Variants in GRIK4 observed in about 807,000 individuals in gnomAD.
The protein encoded by GRIK4 is glutamate receptor ionotropic, kainate 4.
Under a neutral mutation model 104.9 loss-of-function variants are expected in GRIK4, and 40 were observed. The observed-to-expected ratio is 0.38, with a 90% CI of 0.30 to 0.50. The LOEUF (loss-of-function observed/expected upper bound fraction) is 0.50. GRIK4 is among the 20% of genes least tolerant of loss of function. The pLI, the probability that GRIK4 is intolerant of heterozygous loss-of-function variation, is 0.93. For synonymous variants in GRIK4, 485 were observed against 524.9 expected (o/e 0.92, Z 1.04); for missense variants, 1,047 against 1,308.1 (o/e 0.80, Z 3.08).
At chr11:120,609,916 C>T (rs776212382) in intron 1 of GRIK4, among the ~76,000 whole-genome samples, 6 of 152,280 alleles carry the variant, frequency 3.9e-5, no homozygotes, top group Middle Eastern at 3.4e-3. Flanking sequence ...CGGCTCTCTC[C>T]ACTAACCTGC....
rs146172990 is a variant in GRIK4, at chr11:120,717,674, A to G, written c.82+57274A>G. 4.9e-3 allele frequency among the ~76,000 whole-genome samples: 739 copies of G among 152,288 alleles called. 4 individuals are homozygous for G. The highest frequency in any genetic ancestry group is 0.012 in the African/African-American group (508 of 41,566). On this transcript the variant is annotated intron_variant, in intron 3 of 20. Transcript: ENST00000527524. ...AAATAAGAATCCTCCTGCTTCCTGCATCACCAAGGTGAGGAGAGGAGACTA... is the reference window on the plus strand; with the variant it reads ...AAATAAGAATCCTCCTGCTTCCTGCGTCACCAAGGTGAGGAGAGGAGACTA...
rs151321085 is a variant in GRIK4 at position 120,641,611 on chromosome 11, A to T, written c.-158-12074A>T. ...GCATTTGTAAACTGTCATGGCGCTG[A>T]TGGGAGTGTCTTTTAACATGCTAAT... On this transcript the variant is annotated intron_variant, in intron 1 of 20. Transcript: ENST00000527524. Among the ~76,000 whole-genome samples the T allele has an allele frequency of 7.9e-3, 1,200 of 152,256 alleles. 20 individuals are homozygous for T. The highest frequency in any genetic ancestry group is 0.028 in the African/African-American group (1,149 of 41,550).
At chr11:120,801,281 A>G (rs1212810695) in intron 3 of GRIK4, among the ~76,000 whole-genome samples, 1 of 152,188 alleles carries the variant, frequency 6.6e-6, no homozygotes, top group Non-Finnish European at 1.5e-5. Flanking sequence ...GCTGGAGTGC[A>G]ATGACACTGT....
chr11:120,575,363 C>T (rs892358148), intron 1 of GRIK4, among the ~76,000 whole-genome samples: 6 of 152,158 alleles, frequency 3.9e-5, no homozygotes, highest in Non-Finnish European at 8.8e-5. Flanking sequence ...AATTTTCACA[C>T]CTTATTCAGT....
intron 6 of GRIK4, among the ~76,000 whole-genome samples, chr11:120,828,659 C>T (rs1236902282): frequency 6.6e-6 from 1 of 152,118 alleles, no homozygotes; most frequent in Non-Finnish European, 1.5e-5. Context: ...CAGGTGTGTC[C>T]AGGTTGGGAA....
At chr11:120,617,401 G>T (rs924558318) in intron 1 of GRIK4, among the ~76,000 whole-genome samples, 1 of 151,410 alleles carries the variant, frequency 6.6e-6, no homozygotes, top group Non-Finnish European at 1.5e-5. Context: ...ATTTATTGAG[G>T]CAGGATCTAA....
At chr11:120,933,229 G>A (rs1029194310) in intron 13 of GRIK4, among the ~76,000 whole-genome samples, 5 of 152,316 alleles carry the variant, frequency 3.3e-5, no homozygotes, top group African/African-American at 7.2e-5. Flanking sequence ...TGGGGGACGC[G>A]GTGACCAGTT....
At chr11:120,854,997 A>AT (rs924777553) in intron 8 of GRIK4, among the ~76,000 whole-genome samples, 2 of 152,204 alleles carry the variant, frequency 1.3e-5, no homozygotes, top group African/African-American at 4.8e-5. Context: ...TCTCCTAACC[A>AT]TTTAATTAAG....
At chr11:120,820,577 G>A (rs904848456) in intron 6 of GRIK4, among the ~76,000 whole-genome samples, 9 of 152,294 alleles carry the variant, frequency 5.9e-5, no homozygotes, top group African/African-American at 1.9e-4. Flanking sequence ...TGCTCCCGGC[G>A]GCAGCTGTGC....
intron 8 of GRIK4, among the ~76,000 whole-genome samples, chr11:120,838,777 G>A (rs992154895): frequency 2.0e-5 from 3 of 151,948 alleles, no homozygotes; most frequent in Non-Finnish European, 4.4e-5. Flanking sequence ...GTTTTTGTGT[G>A]TGTGTGTTTT....
At chr11:120,933,147 A>G (rs1943516610) in intron 13 of GRIK4, among the ~76,000 whole-genome samples, 1 of 152,242 alleles carries the variant, frequency 6.6e-6, no homozygotes, top group Non-Finnish European at 1.5e-5. Context: ...CGGTCACACC[A>G]GAGAAGCACA....
chr11:120,592,594 A>T (rs1217598477), intron 1 of GRIK4, among the ~76,000 whole-genome samples: 4 of 151,936 alleles, frequency 2.6e-5, no homozygotes, highest in Non-Finnish European at 5.9e-5. Context: ...CTACTCCCCA[A>T]AGCTTGGATT....
intron 1 of GRIK4, among the ~76,000 whole-genome samples, chr11:120,606,202 A>G (rs1956199859): frequency 6.6e-6 from 1 of 152,132 alleles, no homozygotes; most frequent in African/African-American, 2.4e-5. Flanking sequence ...TCAAGGACAG[A>G]TTCACGTTTT....
intron 3 of GRIK4, among the ~76,000 whole-genome samples, chr11:120,711,270 C>T (rs1255762862): frequency 6.6e-6 from 1 of 152,130 alleles, no homozygotes; most frequent in Admixed American, 6.5e-5. Context: ...ATGAGCATTT[C>T]AAGAGCAGAG....
At chr11:120,685,781 C>T (rs909190952) in intron 3 of GRIK4, among the ~76,000 whole-genome samples, 4 of 152,098 alleles carry the variant, frequency 2.6e-5, no homozygotes, top group Admixed American at 6.5e-5. Context: ...AGGCTATGGT[C>T]GTCTTTCTCA....
intron 1 of GRIK4, among the ~76,000 whole-genome samples, chr11:120,630,009 G>T (rs74888189): frequency 0.01 from 1,524 of 152,350 alleles, 29 homozygotes; most frequent in African/African-American, 0.035. Context: ...TGGCATTTGT[G>T]TGTGGGGGAG....
chr11:120,517,015 C>T (rs1947736703), intron 1 of GRIK4, among the ~76,000 whole-genome samples: 1 of 130,176 alleles, frequency 7.7e-6, no homozygotes, highest in Non-Finnish European at 1.6e-5. Flanking sequence ...TCTCGCGTGC[C>T]TCAGTCTCAC....
intron 3 of GRIK4, among the ~76,000 whole-genome samples, chr11:120,732,723 A>T (rs1951157146): frequency 6.6e-6 from 1 of 152,136 alleles, no homozygotes; most frequent in South Asian, 2.1e-4. Flanking sequence ...TTTCAATTTC[A>T]TTGAATGTTT....
intron 4 of GRIK4, among the ~76,000 whole-genome samples, chr11:120,809,346 C>T (rs931394362): frequency 5.3e-5 from 8 of 152,232 alleles, no homozygotes; most frequent in Admixed American, 5.2e-4. Flanking sequence ...AAACGCATCT[C>T]CCTCCCTTCC....
Sources: allele counts gnomAD v4.1 joint callset (sites outside exome capture counted in the v4.1 genomes callset), GRCh38; gene constraint gnomAD v4.1.1; transcripts MANE v1.5; gene names NCBI Gene and HGNC (gene_info 2026-07-23, HGNC 2026-07-21).